Variants in CCSER1 observed in about 807,000 individuals in gnomAD.
CCSER1 encodes the protein coiled-coil serine rich protein 1.
A neutral mutation model predicts 82.0 loss-of-function variants in CCSER1; 41 were observed. The ratio of observed to expected loss-of-function variants is 0.50; its 90% CI spans 0.39 to 0.65. The LOEUF is 0.65. Among genes scored for constraint, CCSER1 ranks in the 30% least tolerant of loss-of-function variants. CCSER1 has a pLI of 0.00. For missense variants in CCSER1, 1,119 were observed against 1,064.2 expected, an observed-to-expected ratio of 1.05 and a Z score of -0.72; for synonymous variants, 414 against 383.9, an observed-to-expected ratio of 1.08 and a Z score of -0.92.
At chr4:91,078,238 C>T (rs567216641) in intron 9 of CCSER1, among the ~76,000 whole-genome samples, 154 of 152,246 alleles carry the variant, frequency 1.0e-3, no homozygotes, top group Non-Finnish European at 1.4e-3. Flanking sequence ...CCCTCTGAGA[C>T]GAAGCTTCCA....
intron 7 of CCSER1, among the ~76,000 whole-genome samples, chr4:90,793,223 T>A (rs1755513796): frequency 6.6e-6 from 1 of 152,178 alleles, no homozygotes. Flanking sequence ...ATGTGCAGGT[T>A]TGTTATGTAG....
intron 10 of CCSER1, among the ~76,000 whole-genome samples, chr4:91,272,109 T>C (rs1230362859): frequency 6.6e-6 from 1 of 152,228 alleles, no homozygotes; most frequent in Non-Finnish European, 1.5e-5. Flanking sequence ...GACTTATTTT[T>C]CTCTGGGTAG....
At chr4:91,166,039 T>G (rs1732027332) in intron 10 of CCSER1, among the ~76,000 whole-genome samples, 1 of 152,212 alleles carries the variant, frequency 6.6e-6, no homozygotes, top group Non-Finnish European at 1.5e-5. Flanking sequence ...GTAGATCGGA[T>G]CTGTTCCTAT....
chr4:91,230,092 A>C (rs1403084057), intron 10 of CCSER1, among the ~76,000 whole-genome samples: 1 of 152,166 alleles, frequency 6.6e-6, no homozygotes, highest in Admixed American at 6.6e-5. Context: ...TCAAGGAATT[A>C]TTTGCTATGA....
intron 10 of CCSER1, among the ~76,000 whole-genome samples, chr4:91,517,646 G>A (rs2110131331): frequency 6.9e-6 from 1 of 145,458 alleles, no homozygotes; most frequent in East Asian, 2.1e-4. Flanking sequence ...GCCCATTTAA[G>A]AATCATTTCT....
chr4:91,598,920 C>T lies in CCSER1; in HGVS notation c.2566C>T (p.His856Tyr). 1 of 1,551,600 alleles carries T rather than the reference C, an allele frequency of 6.4e-7. No homozygotes were observed. The highest frequency in any genetic ancestry group is 8.7e-7 in the Non-Finnish European group (1 of 1,146,922). Reference protein sequence around the residue: ...PKDQVATARQHSTFTGRFGQP... With the variant: ...PKDQVATARQYSTFTGRFGQP... ...GGACCAAGTTGCTACGGCCCGACAG[C>T]ATTCGACCTTTACAGGCAGGTTTGG... Residue 856 changes from histidine to tyrosine, a missense_variant, in exon 11 of 11, where the codon CAT becomes TAT. Transcript: ENST00000509176.
chr4:91,296,388 C>A (rs2149228042), intron 10 of CCSER1, among the ~76,000 whole-genome samples: 1 of 147,424 alleles, frequency 6.8e-6, no homozygotes, highest in South Asian at 2.1e-4. Context: ...TAGAGACTTA[C>A]AGTGTATAAA....
intron 5 of CCSER1, among the ~76,000 whole-genome samples, chr4:90,574,569 G>A (rs530421220): frequency 2.6e-4 from 39 of 151,986 alleles, no homozygotes; most frequent in South Asian, 1.5e-3. Flanking sequence ...CGCCTGGCCC[G>A]AAACACATTA....
At chr4:91,247,281 G>A (rs1202629159) in intron 10 of CCSER1, among the ~76,000 whole-genome samples, 17 of 144,636 alleles carry the variant, frequency 1.2e-4, no homozygotes, top group Non-Finnish European at 2.4e-4. Context: ...CAGCCTGGGC[G>A]ACAGAGCAAG....
At chr4:91,278,179 C>T (rs1742626798) in intron 10 of CCSER1, among the ~76,000 whole-genome samples, 1 of 152,038 alleles carries the variant, frequency 6.6e-6, no homozygotes, top group South Asian at 2.1e-4. Flanking sequence ...CCGTAAATGT[C>T]TGCTAGGTCC....
chr4:90,938,131 TTTC>T (rs1731177588), intron 9 of CCSER1, among the ~76,000 whole-genome samples: 1 of 152,160 alleles, frequency 6.6e-6, no homozygotes, highest in Non-Finnish European at 1.5e-5. Flanking sequence ...ATGTCTTGTA[TTTC>T]TTATTACTTA....
chr4:90,877,463 G>A (rs1236222326), intron 8 of CCSER1, among the ~76,000 whole-genome samples: 2 of 152,064 alleles, frequency 1.3e-5, no homozygotes, highest in Admixed American at 1.3e-4. Flanking sequence ...GAACCTGGCT[G>A]TAGTATTGGT....
intron 6 of CCSER1, among the ~76,000 whole-genome samples, chr4:90,645,678 A>T (rs1308894699): frequency 6.6e-6 from 1 of 152,196 alleles, no homozygotes; most frequent in Non-Finnish European, 1.5e-5. Flanking sequence ...CATGGTCATA[A>T]AAACATGCTT....
intron 1 of CCSER1, among the ~76,000 whole-genome samples, chr4:90,231,732 T>G: frequency 6.6e-6 from 1 of 152,244 alleles, no homozygotes; most frequent in East Asian, 1.9e-4. Context: ...TCCATTGTCT[T>G]AGCCCAAAAT....
chr4:91,426,588 A>T (rs2149388682), intron 10 of CCSER1, among the ~76,000 whole-genome samples: 1 of 152,294 alleles, frequency 6.6e-6, no homozygotes, highest in South Asian at 2.1e-4. Flanking sequence ...AATATTCAGA[A>T]TTTTAAAAAA....
rs187639657 is a variant in CCSER1, at chr4:90,158,800, A to G, written c.-42+30969A>G. On this transcript the variant is annotated intron_variant, in intron 1 of 10. Coordinates refer to ENST00000509176, the MANE Select transcript of CCSER1 (RefSeq NM_001145065.2). ...TCTGTCACCCCTTTCTTTGACTAGG[A>G]AAGGGAACTCCCTGACCCCTTGTGC... is the stretch of plus-strand genomic sequence containing the variant. 2.1e-3 allele frequency among the ~76,000 whole-genome samples: 324 copies of G among 152,210 alleles called. 3 individuals carry two copies. The highest frequency in any genetic ancestry group is 7.2e-3 in the African/African-American group (300 of 41,544).
intron 1 of CCSER1, among the ~76,000 whole-genome samples, chr4:90,160,993 A>G (rs574668895): frequency 1.3e-5 from 2 of 152,262 alleles, no homozygotes; most frequent in Admixed American, 1.3e-4. Flanking sequence ...TAAAATTTAA[A>G]TCCAGCTGCC....
chr4:90,797,259 A>G (rs1462882173), intron 7 of CCSER1, among the ~76,000 whole-genome samples: 6 of 152,032 alleles, frequency 3.9e-5, no homozygotes, highest in Non-Finnish European at 7.4e-5. Flanking sequence ...TTATTTTTAT[A>G]TTTGTTGGTT....
intron 5 of CCSER1, among the ~76,000 whole-genome samples, chr4:90,553,175 G>T (rs1777732270): frequency 6.6e-6 from 1 of 152,040 alleles, no homozygotes; most frequent in South Asian, 2.1e-4. Flanking sequence ...GTTTCACCCT[G>T]TTGGCCAGGA....
Sources: allele counts gnomAD v4.1 joint callset (sites outside exome capture counted in the v4.1 genomes callset), GRCh38; gene constraint gnomAD v4.1.1; transcripts MANE v1.5; gene names NCBI Gene and HGNC (gene_info 2026-07-23, HGNC 2026-07-21).